DIAPH3: variants seen among roughly 807,000 people sequenced by gnomAD.
The protein encoded by DIAPH3 is protein diaphanous homolog 3.
In DIAPH3, 117 loss-of-function variants were observed where a neutral mutation model predicts 144.3. That is an observed-to-expected ratio of 0.81 (90% CI 0.70 to 0.95). The LOEUF (loss-of-function observed/expected upper bound fraction) is 0.95, where lower values mean the gene tolerates loss of function less well. Ranked by LOEUF, DIAPH3 falls within the 40% of genes least tolerant of loss-of-function variation. The probability of loss-of-function intolerance (pLI) is 0.00; values close to 1 mark genes in which losing one functional copy is unlikely to be tolerated. For missense variants in DIAPH3, 1,421 were observed against 1,412.7 expected, an observed-to-expected ratio of 1.01 and a Z score of -0.09; for synonymous variants, 519 against 488.9, an observed-to-expected ratio of 1.06 and a Z score of -0.81.
intron 22 of DIAPH3, 67 bp downstream of exon 22, chr13:59,861,340 G>C: frequency 1.2e-6 from 2 of 1,611,066 alleles, no homozygotes; most frequent in Non-Finnish European, 1.7e-6. Flanking sequence ...ACAAATAAAA[G>C]GTATAATTTT....
In DIAPH3 at chr13:60,163,910, G is replaced by A; in HGVS notation, c.-144C>T. On this transcript the variant is annotated 5_prime_UTR_variant, in exon 1 of 28. Transcript: ENST00000400324. ...AGCCTAGCCCAACCGCTGAAGTCGG[G>A]GCCGCAGCCAACACATCTGAAAACT... The A allele has an allele frequency of 2.8e-6, 3 of 1,086,488 alleles. No homozygotes were observed. Among genetic ancestry groups the A allele is most frequent in the Non-Finnish European group, 2.6e-6 (2 of 780,470 alleles). The allele number at this position is 1,086,488 out of a possible 1,614,324, so 67.3% of individuals were successfully genotyped here.
intron 19 of DIAPH3, among the ~76,000 whole-genome samples, chr13:59,912,362 G>C (rs941176974): frequency 6.6e-6 from 1 of 152,110 alleles, no homozygotes; most frequent in African/African-American, 2.4e-5. Context: ...AAAAACTGAA[G>C]ATATCTCTAA....
intron 2 of DIAPH3, 103 bp from the exon 3 acceptor site, chr13:60,112,289 T>C (rs1168668162): frequency 5.9e-6 from 8 of 1,357,146 alleles, no homozygotes; most frequent in Non-Finnish European, 7.3e-6. Flanking sequence ...GTGTTATCAT[T>C]GTGATTTCAT....
chr13:59,807,497 T>A (rs1379567700), intron 25 of DIAPH3, among the ~76,000 whole-genome samples: 4 of 152,098 alleles, frequency 2.6e-5, no homozygotes, highest in African/African-American at 9.6e-5. Context: ...ACATAGCACA[T>A]ATCTGTATTT....
chr13:60,129,244 T>C (rs1253926293), intron 2 of DIAPH3, among the ~76,000 whole-genome samples: 4 of 152,142 alleles, frequency 2.6e-5, no homozygotes, highest in African/African-American at 9.7e-5. Context: ...CCTCCCAACC[T>C]TTTTGCCTCT....
At chr13:60,098,386 T>C (rs1178306384) in intron 3 of DIAPH3, among the ~76,000 whole-genome samples, 1 of 152,036 alleles carries the variant, frequency 6.6e-6, no homozygotes, top group Non-Finnish European at 1.5e-5. Flanking sequence ...AGCTGCAGAA[T>C]CCTAGTTCTG....
intron 5 of DIAPH3, among the ~76,000 whole-genome samples, chr13:60,030,319 A>G (rs1206060869): frequency 6.6e-6 from 1 of 152,000 alleles, no homozygotes; most frequent in East Asian, 1.9e-4. Context: ...TCCATGTCAC[A>G]TACTTAGGAA....
chr13:59,758,500 A>G (rs2037401205), intron 27 of DIAPH3, among the ~76,000 whole-genome samples: 1 of 152,218 alleles, frequency 6.6e-6, no homozygotes, highest in Admixed American at 6.5e-5. Flanking sequence ...ATGACTGGCC[A>G]CGGGGCTACT....
intron 15 of DIAPH3, among the ~76,000 whole-genome samples, chr13:59,971,520 T>C (rs1363359367): frequency 3.0e-4 from 46 of 152,136 alleles, no homozygotes; most frequent in Admixed American, 2.9e-3. Flanking sequence ...AGTTCACTCA[T>C]AGTATGGAGA....
At chr13:60,137,826 T>A (rs2059328596) in intron 1 of DIAPH3, among the ~76,000 whole-genome samples, 1 of 150,396 alleles carries the variant, frequency 6.6e-6, no homozygotes, top group African/African-American at 2.5e-5. Context: ...CAGGTTCAAG[T>A]GATGCTCCTG....
chr13:60,104,867 G>A (rs953599812), intron 3 of DIAPH3, among the ~76,000 whole-genome samples: 10 of 151,924 alleles, frequency 6.6e-5, no homozygotes, highest in East Asian at 1.9e-4. Flanking sequence ...CGAGGCAGGC[G>A]GTTCGTTCAC....
chr13:59,953,483 C>T (rs138928739), intron 17 of DIAPH3, among the ~76,000 whole-genome samples: 268 of 152,224 alleles, frequency 1.8e-3, no homozygotes, highest in African/African-American at 5.9e-3. Context: ...TGGTGAAAGA[C>T]GTACTCTAAG....
At chr13:60,118,546 A>T (rs1465697171) in intron 2 of DIAPH3, among the ~76,000 whole-genome samples, 2 of 152,196 alleles carry the variant, frequency 1.3e-5, no homozygotes, top group Non-Finnish European at 2.9e-5. Context: ...GAAATACAGA[A>T]TAAAATCTAC....
intron 27 of DIAPH3, among the ~76,000 whole-genome samples, chr13:59,732,932 T>C (rs1267785160): frequency 6.6e-6 from 1 of 152,166 alleles, no homozygotes; most frequent in Non-Finnish European, 1.5e-5. Context: ...GAAAATAGAA[T>C]ACATCACCTG....
rs184190837 is a variant in DIAPH3, at chr13:59,784,235, A to G, written c.3164-9412T>C. Reference sequence around the variant, plus strand: ...GTAGCTGGGACTACAGGTGCACGCCACCACACCAGCTAATTTTTTGTATTT... The same window carrying G: ...GTAGCTGGGACTACAGGTGCACGCCGCCACACCAGCTAATTTTTTGTATTT... On this transcript the variant is annotated intron_variant, in intron 25 of 27. Coordinates refer to ENST00000400324, the MANE Select transcript of DIAPH3 (RefSeq NM_001042517.2). 2.5e-3 allele frequency among the ~76,000 whole-genome samples: 381 copies of G among 151,936 alleles called. 3 individuals are homozygous for G. The highest frequency in any genetic ancestry group is 0.01 in the Middle Eastern group (3 of 292).
At chr13:59,814,541 A>C (rs1220347938) in intron 24 of DIAPH3, among the ~76,000 whole-genome samples, 1 of 152,220 alleles carries the variant, frequency 6.6e-6, no homozygotes, top group East Asian at 1.9e-4. Context: ...TAAGAAGTAA[A>C]AGTAGCTTAA....
At chr13:59,929,034 T>G (rs2047889914) in intron 17 of DIAPH3, among the ~76,000 whole-genome samples, 1 of 152,120 alleles carries the variant, frequency 6.6e-6, no homozygotes, top group South Asian at 2.1e-4. Context: ...AAAGGTAAAG[T>G]TCAAAATCTG....
intron 7 of DIAPH3, among the ~76,000 whole-genome samples, chr13:60,014,094 T>C (rs2053467301): frequency 6.6e-6 from 1 of 152,186 alleles, no homozygotes; most frequent in Non-Finnish European, 1.5e-5. Flanking sequence ...TATTATCTTC[T>C]ATTTACCACC....
chr13:59,797,340 A>G (rs140821257), intron 25 of DIAPH3, among the ~76,000 whole-genome samples: 222 of 152,358 alleles, frequency 1.5e-3, no homozygotes, highest in African/African-American at 5.1e-3. Flanking sequence ...GGATAGTATC[A>G]TGACATAATA....
Sources: allele counts gnomAD v4.1 joint callset (sites outside exome capture counted in the v4.1 genomes callset), GRCh38; gene constraint gnomAD v4.1.1; transcripts MANE v1.5; gene names NCBI Gene and HGNC (gene_info 2026-07-23, HGNC 2026-07-21).